MAD2L1BP: variants seen among roughly 807,000 people sequenced by gnomAD.
MAD2L1BP encodes MAD2L1-binding protein.
MAD2L1BP carries 22 observed loss-of-function variants against 28.4 expected under a neutral mutation model. The observed-to-expected ratio is 0.77, with a 90% confidence interval of 0.55 to 1.10. The LOEUF (loss-of-function observed/expected upper bound fraction) is 1.10, where lower values mean the gene tolerates loss of function less well. MAD2L1BP is among the 50% of genes least tolerant of loss of function. The pLI is 0.00. For missense variants in MAD2L1BP, 325 were observed against 350.5 expected (o/e 0.93, Z 0.58); for synonymous variants, 146 against 133.7 (o/e 1.09, Z -0.63).
At chr6:43,636,760 C>T (rs1770247361) in intron 2 of MAD2L1BP, 114 bp downstream of exon 2, 1 of 1,275,376 alleles carries the variant, frequency 7.8e-7, no homozygotes, top group Non-Finnish European at 1.1e-6. Flanking sequence ...AAGCAGCTTC[C>T]AGGGCTTCGG....
At position 43,630,012 on chromosome 6, in the gene MAD2L1BP, C is replaced by G. The variant is rs985477506; in HGVS notation, c.20+243C>G. Among the ~76,000 whole-genome samples the G allele has an allele frequency of 1.6e-4, 24 of 152,210 alleles. 2 individuals are homozygous for G. ...ACCCAAAGCGAGTATTCCTCCTCCC[C>G]TTTGTTTTGAAGCAGAACCAATCGG... On this transcript the variant is annotated intron_variant, in intron 1 of 3. Coordinates refer to the MAD2L1BP transcript ENST00000451025.
Position 43,636,561 on chromosome 6 carries a change from T to C in MAD2L1BP, c.227T>C (p.Leu76Pro). 7 of 1,614,198 alleles carry C rather than the reference T, an allele frequency of 4.3e-6. No homozygotes were observed. Among genetic ancestry groups the C allele is most frequent in the Non-Finnish European group, 5.1e-6 (6 of 1,180,034 alleles). Reference protein sequence around the residue: ...QEGCCQFTCELLKHIMYQRQQ... With the variant: ...QEGCCQFTCEPLKHIMYQRQQ... ...GGCTGCTGTCAGTTTACTTGTGAAC[T>C]TCTAAAGCATATCATGTATCAACGC... Residue 76 changes from leucine to proline, a missense_variant, in exon 2 of 3, where the codon CTT (leucine) becomes CCT (proline). Leu to Pro is a moderately conservative substitution (Grantham distance 98). Transcript: ENST00000372171.
chr6:43,640,188 C>T lies in MAD2L1BP; in HGVS notation c.480C>T (p.Ser160=), dbSNP rs756319848. The change falls in exon 3 of 3, where the codon AGC becomes AGT. Residue 160 remains serine (S), a synonymous_variant. Coordinates refer to ENST00000372171, the MANE Select transcript of MAD2L1BP (RefSeq NM_014628.3). ...VLILLGGNAL[S]PKEFYELDLS... The stretch of plus-strand genomic sequence containing the variant: ...TTCTCCTTGGGGGCAATGCCCTAAG[C>T]CCCAAGGAGTTCTATGAACTCGACT... The T allele has an allele frequency of 5.0e-6, 8 of 1,613,864 alleles. No individual in the cohort carries two copies. Among genetic ancestry groups the T allele is most frequent in the African/African-American group, 1.3e-5 (1 of 75,044 alleles).
chr6:43,637,847 C>T (rs1156487191), intron 2 of MAD2L1BP, among the ~76,000 whole-genome samples: 1 of 151,964 alleles, frequency 6.6e-6, no homozygotes, highest in African/African-American at 2.4e-5. Flanking sequence ...GATCCGCCTG[C>T]CTCAGCCTCC....
upstream of MAD2L1BP, among the ~76,000 whole-genome samples, chr6:43,633,723 T>C (rs1770049852): frequency 1.3e-5 from 2 of 151,966 alleles, no homozygotes; most frequent in African/African-American, 4.8e-5. Flanking sequence ...TCTATTTTGG[T>C]TTTGGAGGCA....
intron 1 of MAD2L1BP, 22 bp downstream of exon 1, chr6:43,635,943 T>C (rs770120749): frequency 2.8e-5 from 42 of 1,526,826 alleles, no homozygotes; most frequent in South Asian, 2.5e-4. Context: ...GGCCAAGAGT[T>C]TGGGGAGCCT....
In MAD2L1BP at chr6:43,636,496, C is replaced by G; in HGVS notation, c.162C>G (p.Cys54Trp). 1 of 1,614,200 alleles carries G rather than the reference C, an allele frequency of 6.2e-7. No individual in the cohort carries two copies. The highest frequency in any genetic ancestry group is 1.1e-5 in the South Asian group (1 of 91,082). ...CGGAGGCCTTTTGCCCAAGAGACTG[C>G]ATGGTACCAGTGGTGTTTCCTGGGC... Reference protein sequence around the residue: ...NASEAFCPRDCMVPVVFPGPV... With the variant: ...NASEAFCPRDWMVPVVFPGPV... Residue 54 changes from cysteine (C) to tryptophan (W), a missense_variant, in exon 2 of 3, where the codon TGC becomes TGG. Physicochemically the swap from Cys to Trp is radical, Grantham distance 215. Transcript: ENST00000372171.
At chr6:43,633,334 G>A, upstream of MAD2L1BP, 2 of 313,430 alleles carry the variant, frequency 6.4e-6, no homozygotes, top group Non-Finnish European at 1.2e-5. Context: ...CAGCACGCCT[G>A]GCTAATTTTG....
intron 1 of MAD2L1BP, 124 bp downstream of exon 1, chr6:43,636,045 T>A: frequency 9.9e-7 from 1 of 1,006,026 alleles, no homozygotes; most frequent in Non-Finnish European, 1.5e-6. Flanking sequence ...CCGGGTGTCC[T>A]ACACGGCTCT....
In MAD2L1BP at chr6:43,636,430, A is replaced by C. The variant is rs35679149; in HGVS notation, c.96A>C (p.Glu32Asp). ...KSEETHASQIELLETSSTQEP... is the reference protein window; with the variant it reads ...KSEETHASQIDLLETSSTQEP... ...AAGAAACTCACGCCTCCCAGATAGA[A>C]CTACTTGAGACAAGCTCTACGCAGG... The change falls in exon 2 of 3, where the codon GAA becomes GAC. Residue 32 changes from glutamate (E) to aspartate (D), a missense_variant. Glu to Asp is a conservative substitution (Grantham distance 45). Coordinates refer to ENST00000372171, the MANE Select transcript of MAD2L1BP (RefSeq NM_014628.3). 8 of 1,614,160 alleles carry C rather than the reference A, an allele frequency of 5.0e-6. No individual in the cohort carries two copies. The African/African-American group carries it at 1.1e-4, about 22-fold the overall frequency.
intron 1 of MAD2L1BP, chr6:43,629,913 C>G: frequency 9.4e-7 from 1 of 1,065,606 alleles, no homozygotes; most frequent in Non-Finnish European, 1.3e-6. Context: ...GTTTTAATAA[C>G]CGGAGGCACC....
At chr6:43,639,872 G>C (rs531649026) in intron 2 of MAD2L1BP, 149 bp from the exon 3 acceptor site, 1 of 533,948 alleles carries the variant, frequency 1.9e-6, no homozygotes, top group African/African-American at 1.9e-5. Flanking sequence ...AATACCCTCT[G>C]ATAAAACACA....
At chr6:43,633,174 T>C (rs757207774), upstream of MAD2L1BP, 7 of 226,622 alleles carry the variant, frequency 3.1e-5, no homozygotes, top group South Asian at 3.0e-4. Flanking sequence ...TCATTGTACT[T>C]TTTTTTTTTT....
chr6:43,633,403 C>G (rs1770036326), upstream of MAD2L1BP: 1 of 294,208 alleles, frequency 3.4e-6, no homozygotes, highest in Non-Finnish European at 6.7e-6. Context: ...AACTCCCGAC[C>G]TCAGGTGATC....
chr6:43,639,438 C>T (rs1186798830), intron 2 of MAD2L1BP, among the ~76,000 whole-genome samples: 1 of 152,226 alleles, frequency 6.6e-6, no homozygotes, highest in African/African-American at 2.4e-5. Context: ...TGCGCCCAGC[C>T]AACTCTTCAT....
At chr6:43,632,646 A>G (rs1769988195), upstream of MAD2L1BP, among the ~76,000 whole-genome samples, 2 of 145,642 alleles carry the variant, frequency 1.4e-5, no homozygotes, top group African/African-American at 5.1e-5. Context: ...CTTGGCCTCC[A>G]TGACCTGACA....
upstream of MAD2L1BP, chr6:43,635,748 C>T (rs1435069797): frequency 1.1e-6 from 1 of 897,492 alleles, no homozygotes; most frequent in Non-Finnish European, 1.6e-6. Context: ...CACTTAACCT[C>T]CCCCACACTG....
At chr6:43,629,848 T>C in intron 1 of MAD2L1BP, 1 of 1,475,866 alleles carries the variant, frequency 6.8e-7, no homozygotes, top group Non-Finnish European at 9.1e-7. Flanking sequence ...ATGATTATGC[T>C]ACCTTTACAT....
upstream of MAD2L1BP, among the ~76,000 whole-genome samples, chr6:43,630,908 CAAAAAAAA>C (rs753239311): frequency 3.7e-5 from 2 of 53,608 alleles, no homozygotes; most frequent in South Asian, 8.0e-4. Flanking sequence ...GACTTCGTCT[CAAAAAAAA>C]AAAAAAAAAA....
Sources: allele counts gnomAD v4.1 joint callset (sites outside exome capture counted in the v4.1 genomes callset), GRCh38; gene constraint gnomAD v4.1.1; transcripts MANE v1.5; gene names NCBI Gene and HGNC (gene_info 2026-07-23, HGNC 2026-07-21).